The following C1QTNF3 variants were observed in gnomAD, a reference collection of about 807,000 sequenced individuals.
C1QTNF3 encodes the protein complement C1q tumor necrosis factor-related protein 3.
In C1QTNF3, 26 loss-of-function variants were observed where a neutral mutation model predicts 32.6. The observed-to-expected ratio is 0.80, with a 90% CI of 0.58 to 1.11. The LOEUF is 1.11. Ranked by LOEUF, C1QTNF3 falls within the 50% of genes least tolerant of loss-of-function variation. The pLI, the probability that C1QTNF3 is intolerant of heterozygous loss-of-function variation, is 0.00. For synonymous variants in C1QTNF3, 155 were observed against 146.0 expected (o/e 1.06, Z -0.44); for missense variants, 362 against 398.2 (o/e 0.91, Z 0.77).
At position 34,035,720 on chromosome 5, in the gene C1QTNF3, C is replaced by G. The variant is rs763640331; in HGVS notation, c.342G>C (p.Lys114Asn). 4 of 1,612,648 alleles carry G rather than the reference C, an allele frequency of 2.5e-6. No individual in the cohort carries two copies. The highest frequency in any genetic ancestry group is 3.4e-6 in the Non-Finnish European group (4 of 1,179,628). ...QTGGLPPDCS[K>N]CCHGDYSFRG... ...GAAAGCTGTAGTCTCCATGACAACA[C>G]TTACTGCAGTCTGGGGGTAGTCCTC... The change falls in exon 2 of 6, where the codon AAG becomes AAC. Residue 114 changes from lysine to asparagine, a missense_variant. Physicochemically the swap from Lys to Asn is moderately conservative, Grantham distance 94. Transcript: ENST00000382065.
chr5:34,154,113 T>C, the C1QTNF3 span, among the ~76,000 whole-genome samples: 3 of 152,114 alleles, frequency 2.0e-5, no homozygotes, highest in African/African-American at 7.2e-5. Flanking sequence ...CTATTAAGTA[T>C]AGAGTTTTTG....
chr5:34,057,842 G>A, the C1QTNF3 span, among the ~76,000 whole-genome samples: 1 of 152,274 alleles, frequency 6.6e-6, no homozygotes, highest in South Asian at 2.1e-4. Flanking sequence ...AGTTTTTAGA[G>A]CCCACAGTTT....
chr5:34,083,021 A>G, the C1QTNF3 span, among the ~76,000 whole-genome samples: 2 of 151,588 alleles, frequency 1.3e-5, no homozygotes, highest in South Asian at 4.2e-4. Flanking sequence ...AAGATAACCA[A>G]ATTTGCTAAG....
the C1QTNF3 span, among the ~76,000 whole-genome samples, chr5:34,119,472 C>A: frequency 6.6e-6 from 1 of 152,278 alleles, no homozygotes; most frequent in Middle Eastern, 3.4e-3. Context: ...TAGGGAATCT[C>A]CCTTTTATAA....
the C1QTNF3 span, among the ~76,000 whole-genome samples, chr5:34,189,279 C>T: frequency 1.3e-5 from 2 of 150,554 alleles, no homozygotes; most frequent in Admixed American, 6.6e-5. Flanking sequence ...TGCAATGGTG[C>T]GATCTCAGCT....
At chr5:34,222,214 T>C in the C1QTNF3 span, among the ~76,000 whole-genome samples, 1 of 152,014 alleles carries the variant, frequency 6.6e-6, no homozygotes, top group Non-Finnish European at 1.5e-5. Context: ...TTCAATTAAT[T>C]TATATGATAC....
the C1QTNF3 span, among the ~76,000 whole-genome samples, chr5:34,145,454 A>T: frequency 2.0e-5 from 3 of 152,112 alleles, no homozygotes; most frequent in Non-Finnish European, 2.9e-5. Context: ...AATAAAATCC[A>T]GAATAGACCA....
the C1QTNF3 span, among the ~76,000 whole-genome samples, chr5:34,226,732 C>T: frequency 6.6e-6 from 1 of 151,740 alleles, no homozygotes; most frequent in Non-Finnish European, 1.5e-5. Flanking sequence ...CTACTGTTGA[C>T]TGGACAATCC....
At chr5:34,020,801 C>G in intron 5 of C1QTNF3, 59 bp from the exon 6 acceptor site, 1 of 1,548,018 alleles carries the variant, frequency 6.5e-7, no homozygotes, top group South Asian at 1.2e-5. Flanking sequence ...CAGCTCTTCA[C>G]CAAAGTCTGT....
At chr5:34,220,931 G>A in the C1QTNF3 span, among the ~76,000 whole-genome samples, 4 of 152,040 alleles carry the variant, frequency 2.6e-5, no homozygotes, top group Non-Finnish European at 5.9e-5. Flanking sequence ...ATTCATGTTT[G>A]CATGTCCAGT....
intron 3 of C1QTNF3, among the ~76,000 whole-genome samples, chr5:34,031,114 A>AAGAAG (rs1348293226): frequency 1.3e-5 from 2 of 152,180 alleles, no homozygotes; most frequent in African/African-American, 4.8e-5. Context: ...AAGAAAAGAA[A>AAGAAG]AGCTTTTGCT....
chr5:34,164,205 G>C, the C1QTNF3 span, among the ~76,000 whole-genome samples: 1 of 152,136 alleles, frequency 6.6e-6, no homozygotes, highest in African/African-American at 2.4e-5. Flanking sequence ...GGACTCCAGA[G>C]TCCTGAAGGG....
rs138674971 is a variant in C1QTNF3 at position 34,030,938 on chromosome 5, G to A, written c.571-2055C>T. ...CACACACTGGGGCCTATGGGAGGATGGAAGGTGGGAGGAGGGAGAGAATCA... is the reference window on the plus strand; with the variant it reads ...CACACACTGGGGCCTATGGGAGGATAGAAGGTGGGAGGAGGGAGAGAATCA... On this transcript the variant is annotated intron_variant, in intron 3 of 5. Coordinates refer to ENST00000382065, the MANE Select transcript of C1QTNF3 (RefSeq NM_181435.6). Among the ~76,000 whole-genome samples the A allele has an allele frequency of 5.3e-3, 800 of 152,258 alleles. 7 individuals are homozygous for A. The highest frequency in any genetic ancestry group is 0.018 in the African/African-American group (759 of 41,542).
the C1QTNF3 span, among the ~76,000 whole-genome samples, chr5:34,208,804 C>T: frequency 6.6e-6 from 1 of 152,162 alleles, no homozygotes. Context: ...TCCCAATCGT[C>T]ACTGCTTTCA....
At chr5:34,197,436 A>C in the C1QTNF3 span, among the ~76,000 whole-genome samples, 1 of 152,336 alleles carries the variant, frequency 6.6e-6, no homozygotes, top group Admixed American at 6.5e-5. Context: ...ATGGAAAGCA[A>C]ATAATTAGTG....
chr5:34,161,379 T>C, the C1QTNF3 span, among the ~76,000 whole-genome samples: 108 of 152,226 alleles, frequency 7.1e-4, no homozygotes, highest in Non-Finnish European at 5.4e-4. Flanking sequence ...TTAGAGAATA[T>C]TTCAGTGTTC....
the C1QTNF3 span, among the ~76,000 whole-genome samples, chr5:34,211,495 C>T: frequency 6.7e-6 from 1 of 149,640 alleles, no homozygotes; most frequent in East Asian, 2.0e-4. Flanking sequence ...CACCCATTAA[C>T]TCCTCATTTA....
chr5:34,130,324 A>G, the C1QTNF3 span, among the ~76,000 whole-genome samples: 1 of 152,084 alleles, frequency 6.6e-6, no homozygotes, highest in Non-Finnish European at 1.5e-5. Context: ...TCTGTAGGCC[A>G]TTGCACTTTC....
the C1QTNF3 span, among the ~76,000 whole-genome samples, chr5:34,075,774 G>T: frequency 6.6e-6 from 1 of 151,468 alleles, no homozygotes; most frequent in East Asian, 1.9e-4. Context: ...GAGTCTCAAA[G>T]AGATAATTGT....
Sources: gnomAD v4.1 joint callset for allele counts (sites outside exome capture counted in the v4.1 genomes callset) on GRCh38, gnomAD v4.1.1 for gene constraint, MANE v1.5 for transcripts, NCBI Gene and HGNC (gene_info 2026-07-23, HGNC 2026-07-21) for gene names.